ENPP4: variants seen among roughly 807,000 people sequenced by gnomAD.
ENPP4 encodes bis(5'-adenosyl)-triphosphatase ENPP4.
ENPP4 carries 18 observed loss-of-function variants against 33.4 expected under a neutral mutation model. The observed-to-expected ratio is 0.54, with a 90% CI of 0.37 to 0.80. The LOEUF is 0.80. Ranked by LOEUF, ENPP4 falls within the 30% of genes least tolerant of loss-of-function variation. ENPP4 has a pLI of 0.00. For synonymous variants in ENPP4, 172 were observed against 189.9 expected (o/e 0.91, Z 0.78); for missense variants, 480 against 541.7 (o/e 0.89, Z 1.13).
chr6:46,136,776 A>C (rs1294475517), intron 1 of ENPP4, among the ~76,000 whole-genome samples: 1 of 151,920 alleles, frequency 6.6e-6, no homozygotes, highest in African/African-American at 2.4e-5. Context: ...AGAAAGGTGA[A>C]TTAAGAGACA....
chr6:46,138,505 T>C (rs1030191171), intron 1 of ENPP4, among the ~76,000 whole-genome samples: 1 of 151,852 alleles, frequency 6.6e-6, no homozygotes, highest in African/African-American at 2.4e-5. Context: ...ATTTCAGACA[T>C]TCTTTCTGTT....
chr6:46,131,222 A>T (rs576851287), intron 1 of ENPP4, among the ~76,000 whole-genome samples: 1 of 152,072 alleles, frequency 6.6e-6, no homozygotes, highest in East Asian at 1.9e-4. Flanking sequence ...GGTTAGTTAC[A>T]TATGTATATA....
At chr6:46,139,525 T>G (rs1318750194) in intron 1 of ENPP4, 26 bp from the exon 2 acceptor site, 9 of 905,620 alleles carry the variant, frequency 9.9e-6, no homozygotes, top group Middle Eastern at 4.5e-4. Context: ...GAATTACTAC[T>G]TATGAGTTGT....
At chr6:46,140,607 A>G (rs1404580595) in intron 2 of ENPP4, among the ~76,000 whole-genome samples, 198 bp downstream of exon 2, 2 of 151,690 alleles carry the variant, frequency 1.3e-5, no homozygotes, top group Non-Finnish European at 3.0e-5. Flanking sequence ...CTTATGGTTT[A>G]GTTTCAAAGT....
rs970768791 is a variant in ENPP4 at position 46,144,260 on chromosome 6, T to G, written c.*620T>G. On this transcript the variant is annotated 3_prime_UTR_variant, in exon 4 of 4. Coordinates refer to ENST00000321037, the MANE Select transcript of ENPP4 (RefSeq NM_014936.5). ...TTTGAAAAAAAAAGCAAAGACCATT[T>G]GATAAAAGCCTGAGTTGTCACCATT... 6.6e-6 allele frequency: 1 copy of G among 151,852 alleles called. No homozygotes were observed. Among genetic ancestry groups the G allele is most frequent in the Non-Finnish European group, 1.5e-5 (1 of 67,868 alleles). 9.4% of individuals were successfully genotyped at this position (151,852 alleles called of 1,614,324 possible). A position where few individuals can be genotyped will look rare whatever the true frequency, so the allele number is the denominator to read the frequency against.
In ENPP4 at chr6:46,143,334, C is replaced by T. The variant is rs766221778; in HGVS notation, c.1056C>T (p.His352=). The change falls in exon 4 of 4, where the codon CAC becomes CAT. Residue 352 remains histidine, a synonymous_variant. Transcript: ENST00000321037. The stretch of plus-strand genomic sequence containing the variant: ...GTATGCATCCATTTCTAGCTGCCCA[C>T]GGACCTGCATTTCACAAAGGCTACA... ...LPSMHPFLAA[H]GPAFHKGYKH... The T allele has an allele frequency of 9.3e-6, 15 of 1,608,900 alleles. No individual in the cohort carries two copies. Among genetic ancestry groups the T allele is most frequent in the Middle Eastern group, 3.3e-4 (2 of 6,064 alleles).
rs1764137843 is a variant in ENPP4, at chr6:46,146,237, CAT to C, written c.*2600_*2601del. 1 of 152,280 alleles carries C rather than the reference CAT, an allele frequency of 6.6e-6. No individual in the cohort carries two copies. Among genetic ancestry groups the C allele is most frequent in the South Asian group, 2.1e-4 (1 of 4,824 alleles). 9.4% of individuals were successfully genotyped at this position (152,280 alleles called of 1,614,324 possible). ...TCTGGTAAATAGCAATAGAATAAAA[CAT>C]ATTTCAATGTTTGTGTATAGGTTTT... On this transcript the variant is annotated 3_prime_UTR_variant, in exon 4 of 4. Transcript: ENST00000321037.
chr6:46,141,287 GTGT>G, intron 3 of ENPP4, 65 bp downstream of exon 3: 1 of 1,174,620 alleles, frequency 8.5e-7, no homozygotes, highest in Non-Finnish European at 1.2e-6. Context: ...TGATACTGTT[GTGT>G]TAAGAGGGTA....
At chr6:46,131,120 A>AT (rs34292838) in intron 1 of ENPP4, among the ~76,000 whole-genome samples, 14 of 151,514 alleles carry the variant, frequency 9.2e-5, no homozygotes, top group African/African-American at 2.2e-4. Context: ...TTTGGAAGAC[A>AT]TTTTTTTTTA....
At chr6:46,143,022 G>A (rs996815890) in intron 3 of ENPP4, among the ~76,000 whole-genome samples, 4 of 151,590 alleles carry the variant, frequency 2.6e-5, no homozygotes, top group African/African-American at 9.7e-5. Flanking sequence ...TGAAAGATAA[G>A]TACATCAGGT....
intron 1 of ENPP4, among the ~76,000 whole-genome samples, chr6:46,132,218 A>G (rs1412543922): frequency 1.3e-5 from 2 of 152,016 alleles, no homozygotes; most frequent in Non-Finnish European, 2.9e-5. Context: ...TTTAGACATG[A>G]AGTCCTTGCC....
At chr6:46,137,754 C>G (rs904928355) in intron 1 of ENPP4, among the ~76,000 whole-genome samples, 5 of 151,788 alleles carry the variant, frequency 3.3e-5, no homozygotes, top group African/African-American at 4.8e-5. Context: ...ATGTTCCATG[C>G]ACCACATTCA....
chr6:46,138,057 G>A (rs1462107969), intron 1 of ENPP4, among the ~76,000 whole-genome samples: 4 of 151,738 alleles, frequency 2.6e-5, no homozygotes, highest in Non-Finnish European at 5.9e-5. Context: ...ATGCATACCC[G>A]TTACCATGTT....
chr6:46,140,287 C>G lies in ENPP4; in HGVS notation c.704C>G (p.Thr235Arg). The change falls in exon 2 of 4, where the codon ACA becomes AGA. Residue 235 changes from threonine (T) to arginine (R), a missense_variant. This residue lies in a region of ENPP4 where 227 missense variants were observed against 273.7 expected (regional missense o/e 0.83). Coordinates refer to ENST00000321037, the MANE Select transcript of ENPP4 (RefSeq NM_014936.5). ...GLWENLNVIITSDHGMTQCSQ... is the reference protein window; with the variant it reads ...GLWENLNVIIRSDHGMTQCSQ... The stretch of plus-strand genomic sequence containing the variant: ...TGGGAAAATCTTAATGTGATCATTA[C>G]AAGTGATCATGGGATGACCCAGTGT... The G allele has an allele frequency of 6.2e-7, 1 of 1,610,422 alleles. No homozygotes were observed. The highest frequency in any genetic ancestry group is 8.5e-7 in the Non-Finnish European group (1 of 1,177,086).
intron 3 of ENPP4, among the ~76,000 whole-genome samples, 165 bp from the exon 4 acceptor site, chr6:46,143,107 TGAGA>T (rs35942390): frequency 6.8e-6 from 1 of 148,100 alleles, no homozygotes; most frequent in Non-Finnish European, 1.5e-5. Flanking sequence ...TGTGTGTATG[TGAGA>T]GAGAGAGAGA....
chr6:46,130,820 T>G (rs1198498492), intron 1 of ENPP4, among the ~76,000 whole-genome samples: 8 of 152,078 alleles, frequency 5.3e-5, no homozygotes, highest in African/African-American at 1.7e-4. Context: ...CTCAGAGAAG[T>G]GAAGGGACGC....
intron 1 of ENPP4, among the ~76,000 whole-genome samples, chr6:46,132,786 G>A (rs1763920310): frequency 6.6e-6 from 1 of 152,116 alleles, no homozygotes; most frequent in South Asian, 2.1e-4. Flanking sequence ...CTACCCATGA[G>A]CATGGAATGT....
In ENPP4 at chr6:46,136,305, T is replaced by A. The variant is rs537051858; in HGVS notation, c.-33-3246T>A. Among the ~76,000 whole-genome samples the A allele has an allele frequency of 2.6e-5, 4 of 152,174 alleles. No homozygotes were observed. In the South Asian group the frequency reaches 8.3e-4, roughly 32 times the overall value. ...TCCCCTAATACATGGCACATACATA[T>A]ACTTTTGTGTTATGGAATTAGTGAT... On this transcript the variant is annotated intron_variant, in intron 1 of 3. Transcript: ENST00000321037.
In ENPP4 at chr6:46,146,090, A is replaced by G. The variant is rs1228823382; in HGVS notation, c.*2450A>G. On this transcript the variant is annotated 3_prime_UTR_variant, in exon 4 of 4. Coordinates refer to ENST00000321037, the MANE Select transcript of ENPP4 (RefSeq NM_014936.5). ...AAACATTTACTTGTTTGTGAAAACAATACCCCAAGGTAATAGGAAAAGTTT... is the reference window on the plus strand; with the variant it reads ...AAACATTTACTTGTTTGTGAAAACAGTACCCCAAGGTAATAGGAAAAGTTT... 1.3e-5 allele frequency: 2 copies of G among 151,896 alleles called. No homozygotes were observed. The highest frequency in any genetic ancestry group is 2.4e-5 in the African/African-American group (1 of 41,424). 9.4% of individuals were successfully genotyped at this position (151,896 alleles called of 1,614,324 possible). A position where few individuals can be genotyped will look rare whatever the true frequency, so the allele number is the denominator to read the frequency against.
Sources: gnomAD v4.1 joint callset for allele counts (sites outside exome capture counted in the v4.1 genomes callset) on GRCh38, gnomAD v4.1.1 for gene constraint, gnomAD v4.1.1 regional missense constraint, MANE v1.5 for transcripts, NCBI Gene and HGNC (gene_info 2026-07-23, HGNC 2026-07-21) for gene names.